The following INPP4B variants were observed in gnomAD, a reference collection of about 807,000 sequenced individuals.
INPP4B encodes inositol polyphosphate 4-phosphatase type II.
A neutral mutation model predicts 122.5 loss-of-function variants in INPP4B; 55 were observed. The observed-to-expected ratio is 0.45, with a 90% CI of 0.36 to 0.56. INPP4B has a LOEUF of 0.56. INPP4B is among the 20% of genes least tolerant of loss of function. The probability of loss-of-function intolerance (pLI) is 0.00; values close to 1 mark genes in which losing one functional copy is unlikely to be tolerated. For synonymous variants in INPP4B, 403 were observed against 388.7 expected, an observed-to-expected ratio of 1.04 and a Z score of -0.43; for missense variants, 1,000 against 1,097.7, an observed-to-expected ratio of 0.91 and a Z score of 1.26.
At chr4:142,280,798 T>C (rs1750843072) in intron 9 of INPP4B, among the ~76,000 whole-genome samples, 1 of 152,024 alleles carries the variant, frequency 6.6e-6, no homozygotes, top group Non-Finnish European at 1.5e-5. Context: ...ATTAAAATGT[T>C]ATCCTCTTCC....
chr4:142,819,683 A>G (rs1198832860), intron 1 of INPP4B, among the ~76,000 whole-genome samples: 1 of 152,108 alleles, frequency 6.6e-6, no homozygotes, highest in Non-Finnish European at 1.5e-5. Flanking sequence ...CAAAATTCAA[A>G]TACGTATGTG....
At chr4:142,530,148 A>G (rs1221673905) in intron 2 of INPP4B, among the ~76,000 whole-genome samples, 1 of 152,088 alleles carries the variant, frequency 6.6e-6, no homozygotes, top group Non-Finnish European at 1.5e-5. Context: ...CTGAAAGTAC[A>G]TTAGTTTTTG....
chr4:142,575,574 G>A (rs1040482841), intron 2 of INPP4B, among the ~76,000 whole-genome samples: 8 of 151,940 alleles, frequency 5.3e-5, no homozygotes, highest in Non-Finnish European at 8.8e-5. Context: ...TCATCAACAC[G>A]ATGAAATAAT....
chr4:142,635,998 C>T (rs1418148271), intron 2 of INPP4B, among the ~76,000 whole-genome samples: 1 of 152,070 alleles, frequency 6.6e-6, no homozygotes, highest in African/African-American at 2.4e-5. Context: ...TTATAATAAT[C>T]CCCACATGTC....
Position 142,026,619 on chromosome 4 carries a change from A to G in INPP4B, c.*2163T>C, listed in dbSNP as rs1301234254. On this transcript the variant is annotated 3_prime_UTR_variant, in exon 26 of 26. Coordinates refer to ENST00000262992, the MANE Select transcript of INPP4B (RefSeq NM_001101669.3). ...GTAGCTGGGATTACACGTGTGTGCC[A>G]CCACATCCAGCTAATTTTTGTATCT... 6.6e-6 allele frequency: 1 copy of G among 152,346 alleles called. No homozygotes were observed. Among genetic ancestry groups the G allele is most frequent in the Non-Finnish European group, 1.5e-5 (1 of 68,198 alleles). The allele number at this position is 152,346 out of a possible 1,614,324, so 9.4% of individuals were successfully genotyped here.
At chr4:142,384,170 A>G in intron 7 of INPP4B, 1 of 701,264 alleles carries the variant, frequency 1.4e-6, no homozygotes. Context: ...GCTTCTAAAA[A>G]TGTTCAAGAA....
intron 2 of INPP4B, among the ~76,000 whole-genome samples, chr4:142,634,880 G>T (rs918440422): frequency 1.3e-5 from 2 of 151,034 alleles, no homozygotes; most frequent in African/African-American, 2.5e-5. Flanking sequence ...ATTATTATTT[G>T]CCAGGAATAT....
At chr4:142,332,186 C>T (rs943063927) in intron 7 of INPP4B, among the ~76,000 whole-genome samples, 5 of 152,128 alleles carry the variant, frequency 3.3e-5, no homozygotes, top group Admixed American at 2.6e-4. Context: ...TTTAACATGA[C>T]AATCTGTGCT....
intron 2 of INPP4B, among the ~76,000 whole-genome samples, chr4:142,681,279 G>T (rs1256061453): frequency 6.6e-6 from 1 of 151,706 alleles, no homozygotes; most frequent in Non-Finnish European, 1.5e-5. Flanking sequence ...CCATGGATCT[G>T]AAGTCAATGT....
At chr4:142,145,148 C>A (rs1561278237) in intron 18 of INPP4B, among the ~76,000 whole-genome samples, 1 of 152,036 alleles carries the variant, frequency 6.6e-6, no homozygotes, top group African/African-American at 2.4e-5. Flanking sequence ...AGGGACACAT[C>A]TGTAGTTAAA....
chr4:142,577,870 C>A (rs1277226798), intron 2 of INPP4B, among the ~76,000 whole-genome samples: 2 of 151,948 alleles, frequency 1.3e-5, no homozygotes, highest in African/African-American at 4.8e-5. Context: ...GGTTCCCTAA[C>A]ATGGCTGTTT....
chr4:142,232,322 C>T (rs967024125), intron 12 of INPP4B, among the ~76,000 whole-genome samples: 1 of 152,092 alleles, frequency 6.6e-6, no homozygotes. Flanking sequence ...TCTACCAGCT[C>T]CATTTTTCCA....
At chr4:142,190,040 T>C (rs1907131) in intron 15 of INPP4B, among the ~76,000 whole-genome samples, 137,866 of 152,200 alleles carry the variant, frequency 0.91, 62,721 homozygotes, top group East Asian at 0.96. Context: ...AAAGAGATCA[T>C]CAAGGGACAT....
chr4:142,054,920 A>G (rs2667100), intron 25 of INPP4B, among the ~76,000 whole-genome samples: 123,642 of 151,896 alleles, frequency 0.81, 52,469 homozygotes, highest in Non-Finnish European at 0.92. Context: ...CTCAGCTTGC[A>G]TGGCTGCTTT....
At chr4:142,140,736 T>A (rs1239813758) in intron 18 of INPP4B, among the ~76,000 whole-genome samples, 2 of 152,184 alleles carry the variant, frequency 1.3e-5, no homozygotes, top group African/African-American at 4.8e-5. Context: ...CAATATTTCA[T>A]AATGTCTAGT....
chr4:142,690,523 T>G (rs1030775260), intron 2 of INPP4B, among the ~76,000 whole-genome samples: 3 of 152,162 alleles, frequency 2.0e-5, no homozygotes, highest in African/African-American at 7.2e-5. Flanking sequence ...GCCTTCAAAA[T>G]TTTCTTCACT....
intron 25 of INPP4B, among the ~76,000 whole-genome samples, chr4:142,072,384 T>C (rs566019435): frequency 1.3e-5 from 2 of 151,520 alleles, no homozygotes; most frequent in South Asian, 4.2e-4. Context: ...ATACCTAATG[T>C]AAATGACGGG....
intron 2 of INPP4B, among the ~76,000 whole-genome samples, chr4:142,530,576 T>C (rs377528984): frequency 1.5e-4 from 19 of 124,620 alleles, no homozygotes; most frequent in African/African-American, 4.4e-4. Flanking sequence ...TATATATATA[T>C]ATACACACAC....
intron 7 of INPP4B, among the ~76,000 whole-genome samples, chr4:142,348,549 T>C (rs1358327890): frequency 2.0e-5 from 3 of 151,918 alleles, no homozygotes; most frequent in Non-Finnish European, 2.9e-5. Context: ...GGAGGCCCCT[T>C]CTCTAACCTC....
Sources: gnomAD v4.1 joint callset for allele counts (sites outside exome capture counted in the v4.1 genomes callset) on GRCh38, gnomAD v4.1.1 for gene constraint, MANE v1.5 for transcripts, NCBI Gene and HGNC (gene_info 2026-07-23, HGNC 2026-07-21) for gene names.